Variants in CCDC60 observed in about 807,000 individuals in gnomAD.
CCDC60 encodes coiled-coil domain containing 60.
Under a neutral mutation model 63.5 loss-of-function variants are expected in CCDC60, and 54 were observed. That is an observed-to-expected ratio of 0.85 (90% CI 0.68 to 1.07). The LOEUF (loss-of-function observed/expected upper bound fraction) is 1.07, where lower values mean the gene tolerates loss of function less well. Ranked by LOEUF, CCDC60 falls within the 50% of genes least tolerant of loss-of-function variation. The pLI is 0.00. For synonymous variants in CCDC60, 206 were observed against 238.8 expected (o/e 0.86, Z 1.27); for missense variants, 651 against 684.3 (o/e 0.95, Z 0.54).
At chr12:119,443,966 C>T (rs1319033755) in intron 2 of CCDC60, among the ~76,000 whole-genome samples, 1 of 152,212 alleles carries the variant, frequency 6.6e-6, no homozygotes, top group Non-Finnish European at 1.5e-5. Flanking sequence ...CACAGGCACA[C>T]ATACACACAC....
intron 5 of CCDC60, among the ~76,000 whole-genome samples, chr12:119,493,920 G>T (rs1166728964): frequency 1.3e-5 from 2 of 151,954 alleles, no homozygotes; most frequent in Admixed American, 1.3e-4. Context: ...TCCCAGAGGG[G>T]CCTGTCATCA....
intron 3 of CCDC60, among the ~76,000 whole-genome samples, chr12:119,476,668 A>G (rs1951184785): frequency 6.6e-6 from 1 of 152,166 alleles, no homozygotes; most frequent in Non-Finnish European, 1.5e-5. Context: ...CATGGTTGCC[A>G]TTCCTCACAG....
intron 1 of CCDC60, among the ~76,000 whole-genome samples, chr12:119,412,933 G>A (rs1274414029): frequency 1.3e-5 from 2 of 152,044 alleles, no homozygotes; most frequent in Non-Finnish European, 1.5e-5. Flanking sequence ...TGAAGCTAGC[G>A]CTCAGATTGG....
At chr12:119,348,387 G>A (rs902012435) in intron 1 of CCDC60, among the ~76,000 whole-genome samples, 1 of 152,138 alleles carries the variant, frequency 6.6e-6, no homozygotes, top group African/African-American at 2.4e-5. Flanking sequence ...CCAGTCCCCT[G>A]TTCCTTGTGT....
intron 9 of CCDC60, among the ~76,000 whole-genome samples, chr12:119,522,587 A>G (rs1780487571): frequency 6.6e-6 from 1 of 152,228 alleles, no homozygotes; most frequent in African/African-American, 2.4e-5. Flanking sequence ...GAACAGTTTT[A>G]CACAAATGAA....
At chr12:119,507,600 A>C (rs1339661237) in intron 7 of CCDC60, among the ~76,000 whole-genome samples, 2 of 21,670 alleles carry the variant, frequency 9.2e-5, no homozygotes, top group Non-Finnish European at 6.8e-5. Flanking sequence ...ACATATATAT[A>C]TATATATATA....
rs1325922777 is a variant in CCDC60 at position 119,522,986 on chromosome 12, A to G, written c.1088A>G (p.Gln363Arg). ...TSAESHIQPV[Q>R]KKSKNRTNCD... ...GCAGAAAGCCACATCCAACCAGTCC[A>G]GAAGAAGTCTAAAAAGTAAGCCAGG... is the stretch of plus-strand genomic sequence containing the variant. Residue 363 changes from glutamine to arginine, a missense_variant, in exon 10 of 14, where the codon CAG becomes CGG. Gln to Arg is a conservative substitution (Grantham distance 43). Transcript: ENST00000327554. 2.5e-6 allele frequency: 4 copies of G among 1,614,212 alleles called. No individual in the cohort carries two copies. Among genetic ancestry groups the G allele is most frequent in the Admixed American group, 1.7e-5 (1 of 60,028 alleles).
intron 1 of CCDC60, among the ~76,000 whole-genome samples, chr12:119,412,171 A>C (rs1956614909): frequency 6.6e-6 from 1 of 152,152 alleles, no homozygotes; most frequent in South Asian, 2.1e-4. Flanking sequence ...AGCTCAGCCC[A>C]AGAGTCAAGC....
At chr12:119,509,174 A>T (rs376232562) in intron 7 of CCDC60, among the ~76,000 whole-genome samples, 15 of 152,344 alleles carry the variant, frequency 9.8e-5, no homozygotes, top group Admixed American at 5.2e-4. Flanking sequence ...TCTTGAAGAT[A>T]GAAAACTAGG....
chr12:119,452,884 G>A (rs375030389), intron 2 of CCDC60, among the ~76,000 whole-genome samples: 52 of 152,110 alleles, frequency 3.4e-4, no homozygotes, highest in East Asian at 1.4e-3. Flanking sequence ...GTCCAGTGAC[G>A]TGATCTCGGC....
At chr12:119,469,687 T>A (rs909573211) in intron 2 of CCDC60, among the ~76,000 whole-genome samples, 5 of 152,154 alleles carry the variant, frequency 3.3e-5, no homozygotes, top group African/African-American at 1.2e-4. Flanking sequence ...CAACCAAATT[T>A]AAACCTATAG....
rs754267475 is a variant in CCDC60 at position 119,436,608 on chromosome 12, G to A, written c.170+7846G>A. Among the ~76,000 whole-genome samples, 42 of 149,518 alleles carry A rather than the reference G, an allele frequency of 2.8e-4. 1 individual carries two copies. Among genetic ancestry groups the A allele is most frequent in the Admixed American group, 2.4e-3 (35 of 14,796 alleles). On this transcript the variant is annotated intron_variant, in intron 2 of 13. Transcript: ENST00000327554. ...GGCTGGAGTGCAATGGCACGATCTC[G>A]GCTCACTGCAACCTCCGCCTCCCGG...
chr12:119,387,470 C>A (rs1335237991), intron 1 of CCDC60, among the ~76,000 whole-genome samples: 2 of 152,248 alleles, frequency 1.3e-5, no homozygotes, highest in East Asian at 3.9e-4. Flanking sequence ...GCTAAAAGGA[C>A]AAATGCCATA....
chr12:119,434,372 T>G (rs567331301), intron 2 of CCDC60, among the ~76,000 whole-genome samples: 1 of 152,226 alleles, frequency 6.6e-6, no homozygotes, highest in East Asian at 1.9e-4. Flanking sequence ...TTATTGAGTA[T>G]GAGATATCAC....
chr12:119,348,120 C>A (rs1402604214), intron 1 of CCDC60, among the ~76,000 whole-genome samples: 1 of 152,196 alleles, frequency 6.6e-6, no homozygotes, highest in African/African-American at 2.4e-5. Flanking sequence ...CTGATCCCAT[C>A]CTCTGCTAAT....
chr12:119,411,399 G>A (rs920231755), intron 1 of CCDC60, among the ~76,000 whole-genome samples: 2 of 152,064 alleles, frequency 1.3e-5, no homozygotes, highest in Non-Finnish European at 1.5e-5. Context: ...GAGCCAGCTT[G>A]GGGGTGAAAA....
At position 119,530,887 on chromosome 12, in the gene CCDC60, T is replaced by C. The variant is rs1318114415; in HGVS notation, c.1375T>C (p.Leu459=). ...EIADHWYFDL[L]SKLPEDLKNF... is the part of the protein sequence containing the mutation. The stretch of plus-strand genomic sequence containing the variant: ...TTGGAATTGAAGGTACTTTGATCTG[T>C]TGTCCAAACTGCCAGAGGATCTAAA... Residue 459 remains leucine (L), a synonymous_variant, in exon 13 of 14, where the codon TTG becomes CTG. Coordinates refer to ENST00000327554, the MANE Select transcript of CCDC60 (RefSeq NM_178499.5). 6 of 1,613,612 alleles carry C rather than the reference T, an allele frequency of 3.7e-6. No individual in the cohort carries two copies. The African/African-American group carries it at 8.0e-5, about 22-fold the overall frequency.
At chr12:119,401,031 C>A (rs1222910860) in intron 1 of CCDC60, among the ~76,000 whole-genome samples, 3 of 152,240 alleles carry the variant, frequency 2.0e-5, no homozygotes, top group Non-Finnish European at 4.4e-5. Flanking sequence ...CTACTCTGTA[C>A]TTCTTCTTAC....
At chr12:119,386,803 T>C (rs1019696806) in intron 1 of CCDC60, among the ~76,000 whole-genome samples, 5 of 152,186 alleles carry the variant, frequency 3.3e-5, no homozygotes, top group Admixed American at 3.3e-4. Flanking sequence ...AGTCCGTGCC[T>C]ACAACTCAGT....
Sources: allele counts gnomAD v4.1 joint callset (sites outside exome capture counted in the v4.1 genomes callset), GRCh38; gene constraint gnomAD v4.1.1; transcripts MANE v1.5; gene names NCBI Gene and HGNC (gene_info 2026-07-23, HGNC 2026-07-21).